TRIM2: variants seen among roughly 807,000 people sequenced by gnomAD.
TRIM2 encodes tripartite motif-containing protein 2.
TRIM2 carries 20 observed loss-of-function variants against 75.2 expected under a neutral mutation model. The ratio of observed to expected loss-of-function variants is 0.27; its 90% CI spans 0.19 to 0.39. TRIM2 has a LOEUF of 0.39. TRIM2 is among the 10% of genes least tolerant of loss of function. TRIM2 has a pLI of 1.00. For synonymous variants in TRIM2, 373 were observed against 388.3 expected (o/e 0.96, Z 0.46); for missense variants, 660 against 990.8 (o/e 0.67, Z 4.48).
At chr4:153,223,173 G>A (rs1002664140) in intron 1 of TRIM2, 3 of 152,392 alleles carry the variant, frequency 2.0e-5, no homozygotes, top group Admixed American at 6.5e-5. Flanking sequence ...CCTGGAGCGG[G>A]TGCAGTGGGT....
At chr4:153,241,774 G>A (rs1234540557) in intron 1 of TRIM2, among the ~76,000 whole-genome samples, 1 of 152,198 alleles carries the variant, frequency 6.6e-6, no homozygotes, top group South Asian at 2.1e-4. Context: ...GAGGAAACGG[G>A]TGCACAGATT....
At chr4:153,214,095 C>G (rs1737820861) in intron 1 of TRIM2, among the ~76,000 whole-genome samples, 1 of 152,010 alleles carries the variant, frequency 6.6e-6, no homozygotes, top group Admixed American at 6.5e-5. Flanking sequence ...GATTGTACCT[C>G]AAGAAGAAAG....
At chr4:153,220,969 C>T (rs146481059) in intron 1 of TRIM2, among the ~76,000 whole-genome samples, 14 of 152,142 alleles carry the variant, frequency 9.2e-5, no homozygotes, top group Non-Finnish European at 2.1e-4. Context: ...TAGCGTATGA[C>T]CCAGTGATTT....
intron 6 of TRIM2, among the ~76,000 whole-genome samples, chr4:153,296,324 T>C (rs1022694509): frequency 6.6e-6 from 1 of 152,158 alleles, no homozygotes; most frequent in African/African-American, 2.4e-5. Context: ...AATTACAAGC[T>C]GAAAATAAGC....
intron 1 of TRIM2, chr4:153,156,976 C>A (rs997950193): frequency 6.6e-6 from 1 of 152,400 alleles, no homozygotes; most frequent in African/African-American, 2.4e-5. Flanking sequence ...TGCCTGCCCA[C>A]CCTGCTGTAG....
upstream of TRIM2, among the ~76,000 whole-genome samples, chr4:153,202,007 G>C (rs189565729): frequency 1.3e-5 from 2 of 152,304 alleles, no homozygotes; most frequent in Non-Finnish European, 2.9e-5. Context: ...TAATTAGAAG[G>C]ATACAAGGGC....
At chr4:153,230,072 G>A (rs761582962) in intron 1 of TRIM2, among the ~76,000 whole-genome samples, 28 of 152,330 alleles carry the variant, frequency 1.8e-4, no homozygotes, top group Non-Finnish European at 3.4e-4. Context: ...ACCCCTGCCC[G>A]TGTCCTAGAT....
At position 153,228,015 on chromosome 4, in the gene TRIM2, A is replaced by G. The variant is rs565952064; in HGVS notation, c.30+23455A>G. Among the ~76,000 whole-genome samples the G allele has an allele frequency of 2.6e-5, 4 of 152,326 alleles. No homozygotes were observed. In the East Asian group the frequency reaches 7.7e-4, roughly 29 times the overall value. ...GCAAAATAATTACCATGTTAGTCCAAGAAAGAGATTATAAAAGTGAACCTC... is the reference window on the plus strand; with the variant it reads ...GCAAAATAATTACCATGTTAGTCCAGGAAAGAGATTATAAAAGTGAACCTC... On this transcript the variant is annotated intron_variant, in intron 1 of 11. Coordinates refer to ENST00000338700, the MANE Select transcript of TRIM2 (RefSeq NM_015271.5).
In TRIM2 at chr4:153,296,036, G is replaced by A. The variant is rs777308218; in HGVS notation, c.1510G>A (p.Gly504Ser). The A allele has an allele frequency of 6.6e-7, 1 of 1,519,258 alleles. No homozygotes were observed. Among genetic ancestry groups the A allele is most frequent in the Non-Finnish European group, 8.8e-7 (1 of 1,135,636 alleles). 94.1% of individuals were successfully genotyped at this position (1,519,258 alleles called of 1,614,324 possible). A position where few individuals can be genotyped will look rare whatever the true frequency, so the allele number is the denominator to read the frequency against. ...PIEDDLIFRV[G>S]TKGRNKGEFT... is the part of the protein sequence containing the mutation. ...CGAAGACGATTTGATCTTTCGAGTG[G>A]GTAAGGAGAGGGCTTCTGTGCCCGA... is the stretch of plus-strand genomic sequence containing the variant. Residue 504 changes from glycine to serine, a missense_variant and splice_region_variant, in exon 6 of 12, where the codon GGT becomes AGT. By Grantham distance (56) the Gly-to-Ser change is moderately conservative. Coordinates refer to ENST00000338700, the MANE Select transcript of TRIM2 (RefSeq NM_015271.5).
chr4:153,239,939 A>G (rs948076603), intron 1 of TRIM2, among the ~76,000 whole-genome samples: 11 of 151,480 alleles, frequency 7.3e-5, no homozygotes, highest in Admixed American at 7.2e-4. Context: ...GGCTCAAGCA[A>G]TTCTCCTGTC....
chr4:153,315,679 G>T, intron 7 of TRIM2, 91 bp downstream of exon 7: 2 of 1,437,368 alleles, frequency 1.4e-6, no homozygotes, highest in Non-Finnish European at 1.9e-6. Context: ...CAGATACATG[G>T]TGTAAGGAAA....
chr4:153,205,953 A>T (rs1359534093), intron 1 of TRIM2, among the ~76,000 whole-genome samples: 1 of 152,202 alleles, frequency 6.6e-6, no homozygotes, highest in Non-Finnish European at 1.5e-5. Flanking sequence ...CCCCACGAGG[A>T]GGTCCTGACA....
intron 6 of TRIM2, among the ~76,000 whole-genome samples, chr4:153,303,941 C>T (rs1471147138): frequency 2.6e-5 from 4 of 152,030 alleles, no homozygotes; most frequent in Non-Finnish European, 4.4e-5. Context: ...TTATAAAAGA[C>T]GATGAGATGC....
intron 1 of TRIM2, among the ~76,000 whole-genome samples, chr4:153,229,764 G>A (rs1426353126): frequency 6.6e-6 from 1 of 152,178 alleles, no homozygotes; most frequent in Non-Finnish European, 1.5e-5. Flanking sequence ...TTGTAATGCA[G>A]TACAAAATAT....
rs1402820311 is a variant in TRIM2, at chr4:153,295,489, G to A, written c.963G>A (p.Arg321=). 6 of 1,614,160 alleles carry A rather than the reference G, an allele frequency of 3.7e-6. No homozygotes were observed. The South Asian group carries it at 5.5e-5, about 15-fold the overall frequency. The change falls in exon 6 of 12, where the codon CGG becomes CGA. Residue 321 remains arginine, a synonymous_variant. Coordinates refer to ENST00000338700, the MANE Select transcript of TRIM2 (RefSeq NM_015271.5). This position sits in a 1 kb window ranked among gnomAD's most constrained non-coding sequence, Gnocchi z 7.2. ...ACCAGGACTTCCCCTTGCACCCGCG[G>A]GAGAACGACCAGCTGGATTTCATCG... ...LADQDFPLHP[R]ENDQLDFIVE... is the part of the protein sequence containing the mutation.
At chr4:153,221,860 GA>G (rs1740275858) in intron 1 of TRIM2, among the ~76,000 whole-genome samples, 1 of 114,336 alleles carries the variant, frequency 8.7e-6, no homozygotes, top group Admixed American at 9.8e-5. Context: ...GGAAAGAAGA[GA>G]GAGAGGAAGG....
chr4:153,224,923 C>T (rs1179991206), intron 1 of TRIM2, among the ~76,000 whole-genome samples: 3 of 152,150 alleles, frequency 2.0e-5, no homozygotes, highest in African/African-American at 7.2e-5. Flanking sequence ...GGGTTGAATT[C>T]TATCCTTTCA....
chr4:153,322,510 T>A lies in TRIM2; in HGVS notation c.1783-138T>A, dbSNP rs764754767. The A allele has an allele frequency of 3.7e-6, 3 of 809,320 alleles. No individual in the cohort carries two copies. In the African/African-American group the frequency reaches 5.2e-5, roughly 14 times the overall value. The allele number at this position is 809,320 out of a possible 1,614,324, so 50.1% of individuals were successfully genotyped here. The stretch of plus-strand genomic sequence containing the variant: ...GCCAGTTTTCCAAGACAGAAGTTCA[T>A]TGTGATATATGAGTAGCTGTGTACC... On this transcript the variant is annotated intron_variant, in intron 8 of 11. Coordinates refer to ENST00000338700, the MANE Select transcript of TRIM2 (RefSeq NM_015271.5).
chr4:153,153,159 T>C (rs1458380471), exon 1 of TRIM2: 1 of 152,296 alleles, frequency 6.6e-6, no homozygotes, highest in Non-Finnish European at 1.5e-5. Context: ...GGCTTTCAGC[T>C]GGTCGCCTGC....
Sources: allele counts gnomAD v4.1 joint callset (sites outside exome capture counted in the v4.1 genomes callset), GRCh38; gene constraint gnomAD v4.1.1; non-coding constraint Gnocchi (gnomAD v3.1); transcripts MANE v1.5; gene names NCBI Gene and HGNC (gene_info 2026-07-23, HGNC 2026-07-21).